RALYL: variants seen among roughly 807,000 people sequenced by gnomAD.
RALYL encodes RNA-binding Raly-like protein.
RALYL carries 29 observed loss-of-function variants against 35.1 expected under a neutral mutation model. The ratio of observed to expected loss-of-function variants is 0.83; its 90% CI spans 0.61 to 1.13. The LOEUF is 1.13. Ranked by LOEUF, RALYL falls within the 50% of genes most tolerant of loss-of-function variation. RALYL has a pLI of 0.00. For missense variants in RALYL, 359 were observed against 360.4 expected (o/e 1.00, Z 0.03); for synonymous variants, 120 against 127.6 (o/e 0.94, Z 0.40).
intron 1 of RALYL, among the ~76,000 whole-genome samples, chr8:84,403,478 G>T (rs1275054644): frequency 1.4e-5 from 2 of 140,246 alleles, no homozygotes; most frequent in African/African-American, 2.6e-5. Flanking sequence ...TAGATGAGTG[G>T]TGTTATTTCT....
At position 84,311,053 on chromosome 8, in the gene RALYL, C is replaced by CAAAA. The variant is rs34029529; in HGVS notation, c.-24+126664_-24+126667dup. Among the ~76,000 whole-genome samples, 78 of 9,526 alleles carry CAAAA rather than the reference C, an allele frequency of 8.2e-3. 22 individuals are homozygous for CAAAA. Among genetic ancestry groups the CAAAA allele is most frequent in the African/African-American group, 0.017 (41 of 2,402 alleles). The allele number at this position is 9,526 out of a possible 152,430, so 6.2% of individuals were successfully genotyped here. On this transcript the variant is annotated intron_variant, in intron 1 of 8. Transcript: ENST00000521268. ...TGGGCGACAGAGCGAGACTCCGTCT[C>CAAAA]AAAAAAAAAAAAAAAAAAAAAAAAA...
intron 1 of RALYL, among the ~76,000 whole-genome samples, chr8:84,397,007 G>C (rs1199520413): frequency 6.6e-6 from 1 of 152,134 alleles, no homozygotes; most frequent in Non-Finnish European, 1.5e-5. Context: ...TGTGGTCAAC[G>C]ATCTTGAGAA....
chr8:84,823,371 A>G (rs892076519), intron 4 of RALYL, among the ~76,000 whole-genome samples: 36 of 152,274 alleles, frequency 2.4e-4, no homozygotes, highest in African/African-American at 8.7e-4. Context: ...AAAAATGAAC[A>G]GACATCTGTA....
chr8:84,374,963 C>G (rs1856626085), intron 1 of RALYL, among the ~76,000 whole-genome samples: 1 of 151,822 alleles, frequency 6.6e-6, no homozygotes, highest in South Asian at 2.1e-4. Context: ...AACCAACTTC[C>G]TTTGATTTCT....
chr8:84,302,383 TCAGA>T (rs1840976431), intron 1 of RALYL, among the ~76,000 whole-genome samples: 1 of 152,188 alleles, frequency 6.6e-6, no homozygotes. Flanking sequence ...CGCTAAACAT[TCAGA>T]CAGCTTTCCT....
chr8:84,815,561 T>A (rs1827024565), intron 4 of RALYL, among the ~76,000 whole-genome samples: 1 of 151,466 alleles, frequency 6.6e-6, no homozygotes, highest in Admixed American at 6.6e-5. Flanking sequence ...GCAACCTTGT[T>A]TTTTAATGGA....
chr8:84,681,748 A>G (rs934174028), intron 2 of RALYL, among the ~76,000 whole-genome samples: 11 of 152,134 alleles, frequency 7.2e-5, no homozygotes, highest in African/African-American at 1.2e-4. Context: ...GGCTGAGACA[A>G]TGGGGTTTTC....
chr8:84,185,091 T>G, intron 1 of RALYL: 1 of 1,511,830 alleles, frequency 6.6e-7, no homozygotes, highest in Non-Finnish European at 9.2e-7. Flanking sequence ...ATCTTTTTTT[T>G]CCCTGTTGTG....
intron 2 of RALYL, among the ~76,000 whole-genome samples, chr8:84,538,510 T>G (rs916248077): frequency 6.6e-6 from 1 of 152,166 alleles, no homozygotes; most frequent in African/African-American, 2.4e-5. Flanking sequence ...ATTTGTTGTT[T>G]TAGATGCTTG....
intron 1 of RALYL, among the ~76,000 whole-genome samples, chr8:84,455,981 A>G (rs957821321): frequency 2.0e-5 from 3 of 151,922 alleles, no homozygotes; most frequent in Non-Finnish European, 4.4e-5. Context: ...CCTCAAATCT[A>G]TCTGATAAGT....
intron 2 of RALYL, chr8:84,706,020 C>A: frequency 2.0e-6 from 3 of 1,533,970 alleles, no homozygotes; most frequent in Non-Finnish European, 2.6e-6. Context: ...TAATTTTTTT[C>A]AAAATGACCA....
intron 2 of RALYL, among the ~76,000 whole-genome samples, chr8:84,663,652 C>G (rs1339540513): frequency 6.6e-6 from 1 of 152,050 alleles, no homozygotes; most frequent in African/African-American, 2.4e-5. Context: ...CCTTTGCCCA[C>G]TTTTTAATGG....
intron 2 of RALYL, among the ~76,000 whole-genome samples, chr8:84,639,875 A>G (rs907711413): frequency 5.3e-5 from 8 of 152,028 alleles, no homozygotes; most frequent in Non-Finnish European, 8.8e-5. Flanking sequence ...CCAGAAGCCA[A>G]AAAATAAGGT....
At chr8:84,223,196 T>TTTCATTCC (rs1563560176) in intron 1 of RALYL, among the ~76,000 whole-genome samples, 5 of 110,950 alleles carry the variant, frequency 4.5e-5, no homozygotes, top group East Asian at 2.9e-4. Context: ...TTCCCTTCCC[T>TTTCATTCC]TCCCTTCCAT....
intron 2 of RALYL, among the ~76,000 whole-genome samples, chr8:84,737,391 T>A (rs1161953136): frequency 6.6e-6 from 1 of 152,022 alleles, no homozygotes; most frequent in Admixed American, 6.6e-5. Flanking sequence ...ATAGTCAAAC[T>A]TTTAATGGAG....
chr8:84,812,561 C>T (rs561340068), intron 4 of RALYL, among the ~76,000 whole-genome samples: 2 of 152,230 alleles, frequency 1.3e-5, no homozygotes, highest in East Asian at 3.9e-4. Context: ...GGGGGCAGGG[C>T]TAGGCATGTC....
chr8:84,783,079 C>CACCTTCTCCTTCT (rs1818569138), intron 3 of RALYL, among the ~76,000 whole-genome samples: 1 of 152,190 alleles, frequency 6.6e-6, no homozygotes, highest in African/African-American at 2.4e-5. Context: ...CTCAATCTAT[C>CACCTTCTCCTTCT]CCTGTATTCA....
At chr8:84,231,750 C>A (rs890042997) in intron 1 of RALYL, among the ~76,000 whole-genome samples, 6 of 152,144 alleles carry the variant, frequency 3.9e-5, no homozygotes, top group Admixed American at 2.6e-4. Flanking sequence ...CCATCAAACT[C>A]TTTCAAAGTA....
At chr8:84,682,936 G>C (rs1386936888) in intron 2 of RALYL, among the ~76,000 whole-genome samples, 1 of 151,690 alleles carries the variant, frequency 6.6e-6, no homozygotes, top group Non-Finnish European at 1.5e-5. Context: ...GTGATGTTAG[G>C]GTGTCAATTT....
Sources: gnomAD v4.1 joint callset for allele counts (sites outside exome capture counted in the v4.1 genomes callset) on GRCh38, gnomAD v4.1.1 for gene constraint, MANE v1.5 for transcripts, NCBI Gene and HGNC (gene_info 2026-07-23, HGNC 2026-07-21) for gene names.